MALRD1: variants seen among roughly 807,000 people sequenced by gnomAD.
MALRD1 encodes the protein MAM and LDL-receptor class A domain-containing protein 1.
In MALRD1, 247 loss-of-function variants were observed where a neutral mutation model predicts 242.1. The ratio of observed to expected loss-of-function variants is 1.02; its 90% CI spans 0.92 to 1.13. MALRD1 has a LOEUF of 1.13. Among genes scored for constraint, MALRD1 ranks in the 50% most tolerant of loss-of-function variants. MALRD1 has a pLI of 0.00. For synonymous variants in MALRD1, 995 were observed against 866.6 expected (o/e 1.15, Z -2.60); for missense variants, 2,989 against 2,533.1 (o/e 1.18, Z -3.86).
At chr10:19,098,780 A>G (rs1472877748) in intron 4 of MALRD1, among the ~76,000 whole-genome samples, 2 of 152,162 alleles carry the variant, frequency 1.3e-5, no homozygotes, top group Non-Finnish European at 2.9e-5. Context: ...ATGGAGGTTT[A>G]ATAGGTGAAA....
chr10:19,048,900 TATTACAACTGCTTGATCTCTA>T lies in MALRD1; in HGVS notation c.-36_-16del, dbSNP rs1178028121. The T allele has an allele frequency of 4.1e-5, 50 of 1,214,272 alleles. No individual in the cohort carries two copies. Among genetic ancestry groups the T allele is most frequent in the Middle Eastern group, 2.1e-4 (1 of 4,828 alleles). 75.2% of individuals were successfully genotyped at this position (1,214,272 alleles called of 1,614,324 possible). On this transcript the variant is annotated 5_prime_UTR_variant, in exon 1 of 40. An upstream open reading frame in the 5' UTR loses its in-frame stop. Coordinates refer to ENST00000454679, the MANE Select transcript of MALRD1 (RefSeq NM_001142308.3). Reference sequence around the variant, plus strand: ...GAATGTTTCCAATGATGGACTTACTTATTACAACTGCTTGATCTCTAATAGACAATACCAAGTAATGCTCTT... The same window carrying T: ...GAATGTTTCCAATGATGGACTTACTTATAGACAATACCAAGTAATGCTCTT...
chr10:19,688,310 C>G (rs1450806273), intron 36 of MALRD1, among the ~76,000 whole-genome samples: 1 of 151,752 alleles, frequency 6.6e-6, no homozygotes, highest in Non-Finnish European at 1.5e-5. Flanking sequence ...TGCTCTGTCA[C>G]CCATGTTGGA....
chr10:19,695,120 T>C (rs1833307352), intron 38 of MALRD1, among the ~76,000 whole-genome samples: 1 of 152,100 alleles, frequency 6.6e-6, no homozygotes, highest in Non-Finnish European at 1.5e-5. Flanking sequence ...ATACCCAATG[T>C]AAATGATGAG....
intron 29 of MALRD1, among the ~76,000 whole-genome samples, chr10:19,459,437 A>G (rs938976370): frequency 6.6e-6 from 1 of 152,104 alleles, no homozygotes; most frequent in Non-Finnish European, 1.5e-5. Flanking sequence ...TTCAGAAGAG[A>G]GACTTCATTG....
intron 36 of MALRD1, among the ~76,000 whole-genome samples, chr10:19,669,961 A>C (rs1841838803): frequency 2.0e-5 from 3 of 152,140 alleles, no homozygotes; most frequent in Non-Finnish European, 4.4e-5. Context: ...AAAGAAATCC[A>C]AATTCTTCGT....
intron 26 of MALRD1, among the ~76,000 whole-genome samples, chr10:19,373,510 ACT>A (rs1845477443): frequency 6.6e-6 from 1 of 151,816 alleles, no homozygotes; most frequent in Non-Finnish European, 1.5e-5. Flanking sequence ...CAAAAGCAAA[ACT>A]CTGTCAAAAA....
At chr10:19,162,638 G>A (rs539581534) in intron 12 of MALRD1, among the ~76,000 whole-genome samples, 1 of 152,040 alleles carries the variant, frequency 6.6e-6, no homozygotes, top group Admixed American at 6.6e-5. Context: ...CAGTCAGAAT[G>A]GCCATTATTA....
intron 36 of MALRD1, among the ~76,000 whole-genome samples, chr10:19,643,302 C>T (rs1840482880): frequency 6.6e-6 from 1 of 151,796 alleles, no homozygotes; most frequent in Non-Finnish European, 1.5e-5. Context: ...AAAAATTAGG[C>T]GGACGTGGTG....
In MALRD1 at chr10:19,124,682, A is replaced by G. The variant is rs1837190079; in HGVS notation, c.943+12A>G. The G allele has an allele frequency of 1.6e-6, 2 of 1,233,492 alleles. No homozygotes were observed. Among genetic ancestry groups the G allele is most frequent in the Non-Finnish European group, 2.0e-6 (2 of 987,980 alleles). The allele number at this position is 1,233,492 out of a possible 1,614,324, so 76.4% of individuals were successfully genotyped here. On this transcript the variant is annotated intron_variant, in intron 7 of 39. Coordinates refer to ENST00000454679, the MANE Select transcript of MALRD1 (RefSeq NM_001142308.3). The stretch of plus-strand genomic sequence containing the variant: ...AGGTGATGATGAAGGTAGAAAAAAA[A>G]ATAATATCTTTTATGTATTACTTTC...
At chr10:19,274,183 T>C (rs1421260483) in intron 19 of MALRD1, among the ~76,000 whole-genome samples, 1 of 152,162 alleles carries the variant, frequency 6.6e-6, no homozygotes, top group Non-Finnish European at 1.5e-5. Context: ...CCTTGTGTCA[T>C]TGCCACATTA....
At chr10:19,224,466 T>G (rs1337073429) in intron 18 of MALRD1, among the ~76,000 whole-genome samples, 1 of 152,052 alleles carries the variant, frequency 6.6e-6, no homozygotes, top group African/African-American at 2.4e-5. Flanking sequence ...TTTTTTTGTG[T>G]GTTTTTGGTA....
chr10:19,156,890 A>C (rs1478748935), intron 12 of MALRD1, among the ~76,000 whole-genome samples: 1 of 152,080 alleles, frequency 6.6e-6, no homozygotes, highest in Non-Finnish European at 1.5e-5. Flanking sequence ...TCTCAGTGAA[A>C]ATGCTGTCAT....
At chr10:19,212,842 A>C (rs1295457145) in intron 18 of MALRD1, among the ~76,000 whole-genome samples, 1 of 152,178 alleles carries the variant, frequency 6.6e-6, no homozygotes, top group African/African-American at 2.4e-5. Context: ...CTAAGCATTA[A>C]TTATGTTGAG....
chr10:19,606,644 A>G (rs1838643693), intron 34 of MALRD1, among the ~76,000 whole-genome samples: 3 of 152,230 alleles, frequency 2.0e-5, no homozygotes, highest in South Asian at 4.1e-4. Flanking sequence ...GCTAGACAGT[A>G]GAGTTATCCC....
At chr10:19,137,656 G>A (rs541375344) in intron 10 of MALRD1, among the ~76,000 whole-genome samples, 8 of 150,476 alleles carry the variant, frequency 5.3e-5, no homozygotes, top group East Asian at 3.9e-4. Context: ...CATGACTGGC[G>A]TTTGGGAGGG....
At chr10:19,496,125 G>A (rs1168203993) in intron 30 of MALRD1, among the ~76,000 whole-genome samples, 4 of 152,096 alleles carry the variant, frequency 2.6e-5, no homozygotes, top group African/African-American at 9.7e-5. Flanking sequence ...AATAGTGGAA[G>A]ACTTCAACAC....
At chr10:19,632,707 C>G (rs960482924) in intron 36 of MALRD1, among the ~76,000 whole-genome samples, 2 of 151,946 alleles carry the variant, frequency 1.3e-5, no homozygotes, top group Non-Finnish European at 2.9e-5. Flanking sequence ...CAGACAAACC[C>G]CAAAAAAGAC....
intron 14 of MALRD1, among the ~76,000 whole-genome samples, chr10:19,198,939 A>C (rs181762616): frequency 1.2e-4 from 19 of 152,222 alleles, no homozygotes; most frequent in Admixed American, 1.2e-3. Context: ...CCTTATGATA[A>C]CTTCAAACAC....
At chr10:19,636,729 T>C (rs974019070) in intron 36 of MALRD1, among the ~76,000 whole-genome samples, 3 of 151,850 alleles carry the variant, frequency 2.0e-5, no homozygotes, top group African/African-American at 7.3e-5. Context: ...TGAAACCCCG[T>C]CTCTACTAAA....
Sources: allele counts gnomAD v4.1 joint callset (sites outside exome capture counted in the v4.1 genomes callset), GRCh38; gene constraint gnomAD v4.1.1; transcripts MANE v1.5; gene names NCBI Gene and HGNC (gene_info 2026-07-23, HGNC 2026-07-21).